CREBRF: variants seen among roughly 807,000 people sequenced by gnomAD.
CREBRF encodes the protein CREB3 regulatory factor, also known as UPF0474 protein C5orf41.
In CREBRF, 5 loss-of-function variants were observed where a neutral mutation model predicts 66.1. The observed-to-expected ratio is 0.08, with a 90% CI of 0.04 to 0.16. The LOEUF (loss-of-function observed/expected upper bound fraction) is 0.16, where lower values mean the gene tolerates loss of function less well. Ranked by LOEUF, CREBRF falls within the 10% of genes least tolerant of loss-of-function variation. CREBRF has a pLI of 1.00. For missense variants in CREBRF, 531 were observed against 744.9 expected, an observed-to-expected ratio of 0.71 and a Z score of 3.34; for synonymous variants, 229 against 264.4, an observed-to-expected ratio of 0.87 and a Z score of 1.30.
chr5:173,063,133 A>T (rs1308719754), intron 1 of CREBRF, among the ~76,000 whole-genome samples: 3 of 152,152 alleles, frequency 2.0e-5, no homozygotes, highest in Non-Finnish European at 2.9e-5. Flanking sequence ...GTGCGGCAGT[A>T]GTATCACCAG....
intron 7 of CREBRF, among the ~76,000 whole-genome samples, chr5:173,114,340 C>T (rs1057511073): frequency 1.3e-5 from 2 of 152,138 alleles, no homozygotes; most frequent in South Asian, 4.1e-4. Context: ...CTGGAAGTCA[C>T]TCTGTTACTT....
chr5:173,105,904 C>T lies in CREBRF; in HGVS notation c.1223-2720C>T, dbSNP rs540169830. Among the ~76,000 whole-genome samples, 117 of 152,100 alleles carry T rather than the reference C, an allele frequency of 7.7e-4. No homozygotes were observed. In the Middle Eastern group the frequency reaches 0.017, roughly 22 times the overall value. ...AAGTGCTGGGATTACAGGCATGAGCCACCGTGCCTGGCCACAAGGGCCTTT... is the reference window on the plus strand; with the variant it reads ...AAGTGCTGGGATTACAGGCATGAGCTACCGTGCCTGGCCACAAGGGCCTTT... On this transcript the variant is annotated intron_variant, in intron 4 of 8. Coordinates refer to ENST00000296953, the MANE Select transcript of CREBRF (RefSeq NM_153607.3).
chr5:173,125,932 A>G (rs1308605119), intron 8 of CREBRF, among the ~76,000 whole-genome samples: 2 of 152,158 alleles, frequency 1.3e-5, no homozygotes, highest in Non-Finnish European at 2.9e-5. Flanking sequence ...AATCCCAGTC[A>G]CTTGGAAGGC....
chr5:173,130,914 C>T (rs759123979), intron 8 of CREBRF, among the ~76,000 whole-genome samples: 2 of 152,178 alleles, frequency 1.3e-5, no homozygotes, highest in Non-Finnish European at 2.9e-5. Context: ...ACCATGTTGG[C>T]CAGGCTGGTC....
At position 173,099,046 on chromosome 5, in the gene CREBRF, T is replaced by G. The variant is rs533925854; in HGVS notation, c.1222+7645T>G. Among the ~76,000 whole-genome samples the G allele has an allele frequency of 9.2e-5, 14 of 152,204 alleles. 1 individual carries two copies. The South Asian group carries it at 2.1e-3, about 23-fold the overall frequency. ...AGGTGTGTGCCACCTCTTGTGACAGTTTTTGATTTAACATCTATTTTGTCT... is the reference window on the plus strand; with the variant it reads ...AGGTGTGTGCCACCTCTTGTGACAGGTTTTGATTTAACATCTATTTTGTCT... On this transcript the variant is annotated intron_variant, in intron 4 of 8. Coordinates refer to ENST00000296953, the MANE Select transcript of CREBRF (RefSeq NM_153607.3).
At chr5:173,065,824 A>G (rs1168012502) in intron 1 of CREBRF, among the ~76,000 whole-genome samples, 1 of 151,006 alleles carries the variant, frequency 6.6e-6, no homozygotes, top group Non-Finnish European at 1.5e-5. Context: ...TTTTGTAGAG[A>G]CAGGGTTTCC....
chr5:173,085,907 T>C, intron 2 of CREBRF: 2 of 940,410 alleles, frequency 2.1e-6, no homozygotes, highest in Non-Finnish European at 3.5e-6. Context: ...GAAAGGAGTC[T>C]TTGGGACAGT....
chr5:173,081,070 T>G (rs1441194677), intron 2 of CREBRF, among the ~76,000 whole-genome samples: 1 of 152,202 alleles, frequency 6.6e-6, no homozygotes, highest in Non-Finnish European at 1.5e-5. Flanking sequence ...CCTTGAAAAT[T>G]AGTCTGCCAC....
At chr5:173,079,634 C>G (rs1327804736) in intron 1 of CREBRF, among the ~76,000 whole-genome samples, 1 of 152,098 alleles carries the variant, frequency 6.6e-6, no homozygotes, top group Non-Finnish European at 1.5e-5. Flanking sequence ...CAGTGGTTCT[C>G]AAACTTTAGA....
chr5:173,077,768 C>A (rs1005195919), intron 1 of CREBRF, among the ~76,000 whole-genome samples: 1 of 152,182 alleles, frequency 6.6e-6, no homozygotes, highest in Non-Finnish European at 1.5e-5. Context: ...CCCTTAGTAA[C>A]CTCCATTTTA....
intron 4 of CREBRF, chr5:173,091,606 C>T (rs1758342321): frequency 7.7e-7 from 1 of 1,298,852 alleles, no homozygotes; most frequent in African/African-American, 1.5e-5. Flanking sequence ...GATTCATAAG[C>T]TGATTCCTTG....
intron 3 of CREBRF, among the ~76,000 whole-genome samples, chr5:173,089,185 A>AC (rs1745952127): frequency 1.3e-5 from 2 of 149,962 alleles, no homozygotes; most frequent in African/African-American, 4.9e-5. Context: ...TCAAAAAAAA[A>AC]AAAAACAAAA....
chr5:173,072,551 C>T (rs372408935), intron 1 of CREBRF, among the ~76,000 whole-genome samples: 12 of 151,518 alleles, frequency 7.9e-5, no homozygotes, highest in East Asian at 5.8e-4. Flanking sequence ...GCTGGGATTA[C>T]AGGCGTGAGT....
At chr5:173,093,760 G>A (rs1758407490) in intron 4 of CREBRF, among the ~76,000 whole-genome samples, 1 of 152,122 alleles carries the variant, frequency 6.6e-6, no homozygotes, top group African/African-American at 2.4e-5. Context: ...CAAGCCACCT[G>A]CCCGCCTCAG....
chr5:173,116,430 A>G (rs1758992762), intron 7 of CREBRF, among the ~76,000 whole-genome samples: 2 of 152,146 alleles, frequency 1.3e-5, no homozygotes, highest in African/African-American at 4.8e-5. Context: ...GCTTTCTGTC[A>G]CTATAGAGTA....
chr5:173,118,370 G>GT (rs1050206921), intron 7 of CREBRF, among the ~76,000 whole-genome samples: 4 of 152,024 alleles, frequency 2.6e-5, no homozygotes, highest in Non-Finnish European at 4.4e-5. Flanking sequence ...CAATTTGTCA[G>GT]TTTTTTTAAT....
chr5:173,057,166 A>G (rs935592702), intron 1 of CREBRF, among the ~76,000 whole-genome samples: 1 of 151,326 alleles, frequency 6.6e-6, no homozygotes, highest in African/African-American at 2.4e-5. Flanking sequence ...CTCAGAGCTG[A>G]GTGGCAGGCT....
At chr5:173,058,943 G>A (rs568434058) in intron 1 of CREBRF, among the ~76,000 whole-genome samples, 11 of 150,086 alleles carry the variant, frequency 7.3e-5, no homozygotes, top group Admixed American at 6.6e-4. Flanking sequence ...CTACAGGCGC[G>A]TGCCACCATG....
At chr5:173,124,145 A>G (rs1302769830) in intron 8 of CREBRF, 1 of 152,032 alleles carries the variant, frequency 6.6e-6, no homozygotes, top group Non-Finnish European at 1.5e-5. Context: ...AAGCTTATGT[A>G]CTCCTTTACA....
Sources: allele counts gnomAD v4.1 joint callset (sites outside exome capture counted in the v4.1 genomes callset), GRCh38; gene constraint gnomAD v4.1.1; transcripts MANE v1.5; gene names NCBI Gene and HGNC (gene_info 2026-07-23, HGNC 2026-07-21).